The following EDA variants were observed in gnomAD, a reference collection of about 807,000 sequenced individuals.
The protein encoded by EDA is ectodysplasin A, also known as ectodysplasin-A.
In EDA, 2 loss-of-function variants were observed where a neutral mutation model predicts 23.6. The observed-to-expected ratio is 0.08, with a 90% CI of 0.03 to 0.27. The LOEUF is 0.27. Ranked by LOEUF, EDA falls within the 10% of genes least tolerant of loss-of-function variation. The probability of loss-of-function intolerance (pLI) is 1.00; values close to 1 mark genes in which losing one functional copy is unlikely to be tolerated. For missense variants in EDA, 229 were observed against 324.2 expected, an observed-to-expected ratio of 0.71 and a Z score of 2.26; for synonymous variants, 131 against 132.0, an observed-to-expected ratio of 0.99 and a Z score of 0.05.
chrX:69,893,554 A>G (rs987768792), intron 1 of EDA, among the ~76,000 whole-genome samples: 2 of 112,195 alleles, frequency 1.8e-5, no homozygotes, highest in African/African-American at 6.5e-5. Context: ...CCTTTCCACT[A>G]TTTTATGTTG....
chrX:69,665,837 C>T (rs1391266193), intron 1 of EDA, among the ~76,000 whole-genome samples: 2 of 111,237 alleles, frequency 1.8e-5, no homozygotes. Context: ...ATAGTTTTTG[C>T]TATTTCTGTG....
At chrX:69,687,042 G>A (rs1407487519) in intron 1 of EDA, among the ~76,000 whole-genome samples, 1 of 111,777 alleles carries the variant, frequency 8.9e-6, no homozygotes, top group Non-Finnish European at 1.9e-5. Flanking sequence ...ATTTCCACAA[G>A]CAACATATGA....
intron 2 of EDA, among the ~76,000 whole-genome samples, chrX:69,978,653 T>C (rs1170238070): frequency 1.8e-5 from 2 of 111,231 alleles, no homozygotes; most frequent in African/African-American, 3.3e-5. Flanking sequence ...TCTAGAACAA[T>C]TTCATCACCT....
chrX:69,735,829 G>GA (rs1190904833), intron 1 of EDA, among the ~76,000 whole-genome samples: 6 of 111,308 alleles, frequency 5.4e-5, no homozygotes, highest in Non-Finnish European at 9.4e-5. Context: ...AAAGCTGCTG[G>GA]AAAAAACAGA....
intron 1 of EDA, among the ~76,000 whole-genome samples, chrX:69,787,318 A>T (rs1310528869): frequency 2.0e-5 from 2 of 99,502 alleles, no homozygotes; most frequent in African/African-American, 7.2e-5. Flanking sequence ...TTATGTGTGA[A>T]TTTGATCCTG....
chrX:69,623,477 G>A (rs1031653272), intron 1 of EDA, among the ~76,000 whole-genome samples: 7 of 111,314 alleles, frequency 6.3e-5, no homozygotes, highest in African/African-American at 2.0e-4. Context: ...CCCCCTAAAA[G>A]CCTCATCAAA....
chrX:69,646,654 TTTTAATTGAGTCATTTAGCCCA>T (rs1399888009), intron 1 of EDA, among the ~76,000 whole-genome samples: 3 of 112,108 alleles, frequency 2.7e-5, no homozygotes, highest in African/African-American at 9.7e-5. Context: ...TCTGTGTGTC[TTTTAATTGAGTCATTTAGCCCA>T]TTTACATTTA....
At chrX:69,883,844 C>T (rs2147623127) in intron 1 of EDA, among the ~76,000 whole-genome samples, 1 of 110,891 alleles carries the variant, frequency 9.0e-6, no homozygotes, top group East Asian at 2.8e-4. Context: ...TGCCTGTAAT[C>T]CCAGCATTTT....
At chrX:69,949,571 A>T (rs55879809) in intron 1 of EDA, among the ~76,000 whole-genome samples, 2 of 110,770 alleles carry the variant, frequency 1.8e-5, no homozygotes, top group South Asian at 3.8e-4. Flanking sequence ...TCTCATTCTT[A>T]GGATCCTTTT....
At chrX:69,997,404 A>C (rs200641952) in intron 2 of EDA, among the ~76,000 whole-genome samples, 1 of 112,134 alleles carries the variant, frequency 8.9e-6, no homozygotes, top group African/African-American at 3.2e-5. Flanking sequence ...ATCTGGTGGA[A>C]GAAATTTCTA....
Position 69,867,949 on chromosome X carries a change from A to G in EDA, c.397-89078A>G, listed in dbSNP as rs746825770. Among the ~76,000 whole-genome samples the G allele has an allele frequency of 6.2e-5, 7 of 112,025 alleles. No homozygotes were observed. The South Asian group carries it at 2.3e-3, about 36-fold the overall frequency. On this transcript the variant is annotated intron_variant, in intron 1 of 7. Transcript: ENST00000374552. Reference sequence around the variant, plus strand: ...AGATGGGTCAGAAAGCACCCAGTTCATGATAGGCAGTTCAGGTCTCATGGT... The same window carrying G: ...AGATGGGTCAGAAAGCACCCAGTTCGTGATAGGCAGTTCAGGTCTCATGGT...
intron 1 of EDA, among the ~76,000 whole-genome samples, chrX:69,729,924 T>C (rs1016641093): frequency 8.9e-6 from 1 of 112,164 alleles, no homozygotes; most frequent in African/African-American, 3.2e-5. Flanking sequence ...AGCAAAACTC[T>C]CCTGCTCACC....
At chrX:69,670,486 T>A (rs1933853244) in intron 1 of EDA, among the ~76,000 whole-genome samples, 1 of 111,171 alleles carries the variant, frequency 9.0e-6, no homozygotes. Flanking sequence ...CATTAAATAA[T>A]ATTTCTGTCC....
rs746702239 is a variant in EDA at position 70,004,510 on chromosome X, T to C, written c.503-18708T>C. On this transcript the variant is annotated intron_variant, in intron 2 of 7. Coordinates refer to ENST00000374552, the MANE Select transcript of EDA (RefSeq NM_001399.5). Reference sequence around the variant, plus strand: ...AATTCTCACTCTTCTTTGAAGCTAATGGCTTCTATCTTCTTCATATATATT... The same window carrying C: ...AATTCTCACTCTTCTTTGAAGCTAACGGCTTCTATCTTCTTCATATATATT... Among the ~76,000 whole-genome samples the C allele has an allele frequency of 3.1e-3, 352 of 112,465 alleles. 1 individual carries two copies. Among genetic ancestry groups the C allele is most frequent in the African/African-American group, 0.011 (338 of 30,977 alleles).
intron 1 of EDA, among the ~76,000 whole-genome samples, chrX:69,682,019 T>G (rs757758498): frequency 1.1e-3 from 127 of 110,676 alleles, no homozygotes; most frequent in African/African-American, 4.0e-3. Context: ...GTCCTTTCTG[T>G]TTGTTAGTTT....
At chrX:69,759,493 G>T (rs1306249866) in intron 1 of EDA, among the ~76,000 whole-genome samples, 4 of 111,984 alleles carry the variant, frequency 3.6e-5, no homozygotes, top group Admixed American at 2.8e-4. Flanking sequence ...ATGCTGAAAT[G>T]AAGTCACGTG....
At chrX:69,836,039 G>T (rs1224809921) in intron 1 of EDA, among the ~76,000 whole-genome samples, 1 of 112,344 alleles carries the variant, frequency 8.9e-6, no homozygotes, top group Non-Finnish European at 1.9e-5. Context: ...GGTATCACCA[G>T]TGGAGGCTGC....
chrX:69,680,083 G>T (rs186802615), intron 1 of EDA, among the ~76,000 whole-genome samples: 1,268 of 109,981 alleles, frequency 0.012, 18 homozygotes, highest in African/African-American at 0.039. Context: ...TGTGTACCCA[G>T]TAGTCATTCA....
intron 2 of EDA, among the ~76,000 whole-genome samples, chrX:69,959,733 A>G (rs757448018): frequency 2.7e-5 from 3 of 111,535 alleles, no homozygotes; most frequent in Non-Finnish European, 5.6e-5. Flanking sequence ...TGGTATGAAG[A>G]AAAATATAGC....
Sources: allele counts gnomAD v4.1 joint callset (sites outside exome capture counted in the v4.1 genomes callset), GRCh38; gene constraint gnomAD v4.1.1; transcripts MANE v1.5; gene names NCBI Gene and HGNC (gene_info 2026-07-23, HGNC 2026-07-21).